AFG2A: variants seen among roughly 807,000 people sequenced by gnomAD.
The protein encoded by AFG2A is AAA ATPase AFG2A.
the AFG2A span, among the ~76,000 whole-genome samples, chr4:123,060,065 G>C: frequency 6.6e-6 from 1 of 152,164 alleles, no homozygotes; most frequent in African/African-American, 2.4e-5. Context: ...TTTGATCCAT[G>C]CCTCACATCC....
At chr4:123,302,747 C>T in the AFG2A span, among the ~76,000 whole-genome samples, 2 of 152,028 alleles carry the variant, frequency 1.3e-5, no homozygotes, top group Non-Finnish European at 2.9e-5. Context: ...TTGACATTTG[C>T]GATATGGCAG....
chr4:123,115,286 G>A, the AFG2A span, among the ~76,000 whole-genome samples: 2 of 152,054 alleles, frequency 1.3e-5, no homozygotes, highest in Non-Finnish European at 2.9e-5. Context: ...CCCAGTTGTC[G>A]GGAGCGCCAG....
the AFG2A span, chr4:122,935,914 T>C: frequency 6.9e-7 from 1 of 1,441,386 alleles, no homozygotes; most frequent in Non-Finnish European, 9.3e-7. Flanking sequence ...TAAAAATGAT[T>C]GTGTAGTATT....
the AFG2A span, among the ~76,000 whole-genome samples, chr4:123,157,518 G>T: frequency 2.6e-3 from 389 of 152,272 alleles, no homozygotes; most frequent in Middle Eastern, 0.031. Flanking sequence ...CCCTTAGGAT[G>T]AGGTTATTGT....
chr4:123,290,730 C>T, the AFG2A span, among the ~76,000 whole-genome samples: 4 of 152,142 alleles, frequency 2.6e-5, no homozygotes, highest in African/African-American at 9.7e-5. Flanking sequence ...TCATGAGACT[C>T]ATTCACTATC....
At chr4:123,207,555 A>C in the AFG2A span, among the ~76,000 whole-genome samples, 3 of 151,956 alleles carry the variant, frequency 2.0e-5, no homozygotes, top group Non-Finnish European at 2.9e-5. Flanking sequence ...GAACTCCTGG[A>C]CTCAAGTGAT....
At chr4:123,029,183 C>T in the AFG2A span, among the ~76,000 whole-genome samples, 4 of 152,220 alleles carry the variant, frequency 2.6e-5, no homozygotes, top group Admixed American at 6.5e-5. Flanking sequence ...CTGCAAGCTC[C>T]GCCTCCCAGG....
At chr4:123,038,353 T>C in the AFG2A span, among the ~76,000 whole-genome samples, 2 of 152,238 alleles carry the variant, frequency 1.3e-5, no homozygotes, top group Admixed American at 6.5e-5. Context: ...ATTGCTGCTC[T>C]CTTCCATTTT....
At chr4:123,103,183 C>T in the AFG2A span, among the ~76,000 whole-genome samples, 2 of 152,012 alleles carry the variant, frequency 1.3e-5, no homozygotes, top group African/African-American at 4.8e-5. Flanking sequence ...ATGAAACTGG[C>T]TTTGCTTTAA....
the AFG2A span, among the ~76,000 whole-genome samples, chr4:123,001,554 G>A: frequency 6.6e-5 from 10 of 151,090 alleles, no homozygotes; most frequent in East Asian, 1.9e-4. Flanking sequence ...CCTTCATTTC[G>A]TTATGTACCC....
At chr4:123,094,242 C>G in the AFG2A span, among the ~76,000 whole-genome samples, 205 of 152,258 alleles carry the variant, frequency 1.3e-3, 1 homozygote, top group African/African-American at 4.8e-3. Context: ...AACGGCAACA[C>G]TTTATTTTCA....
chr4:123,290,473 T>C, the AFG2A span, among the ~76,000 whole-genome samples: 62 of 152,294 alleles, frequency 4.1e-4, no homozygotes, highest in South Asian at 0.012. Context: ...CAGTGTACGT[T>C]TTTGTCATAA....
chr4:123,246,536 A>G, the AFG2A span, among the ~76,000 whole-genome samples: 3 of 152,064 alleles, frequency 2.0e-5, no homozygotes, highest in East Asian at 3.9e-4. Context: ...TTTTTTCTCA[A>G]TCTACCTTCA....
the AFG2A span, among the ~76,000 whole-genome samples, chr4:123,297,405 A>G: frequency 6.6e-6 from 1 of 152,190 alleles, no homozygotes; most frequent in Admixed American, 6.5e-5. Context: ...CTAGACTACT[A>G]ATGAACAGCA....
the AFG2A span, among the ~76,000 whole-genome samples, chr4:123,235,070 A>G: frequency 8.8e-3 from 1,336 of 152,254 alleles, 23 homozygotes; most frequent in African/African-American, 0.03. Flanking sequence ...AATAACATCA[A>G]TTGCCTCTAA....
the AFG2A span, chr4:122,979,481 TA>T: frequency 7.3e-7 from 1 of 1,372,564 alleles, no homozygotes; most frequent in Non-Finnish European, 9.9e-7. Flanking sequence ...GGCTAAACTT[TA>T]AAAAAATATT....
chr4:123,277,854 G>A, the AFG2A span, among the ~76,000 whole-genome samples: 1 of 152,060 alleles, frequency 6.6e-6, no homozygotes, highest in Non-Finnish European at 1.5e-5. Flanking sequence ...GCTTTTTCTT[G>A]TGCTACTGGA....
the AFG2A span, among the ~76,000 whole-genome samples, chr4:123,218,791 C>T: frequency 6.6e-6 from 1 of 152,070 alleles, no homozygotes; most frequent in African/African-American, 2.4e-5. Flanking sequence ...GATTAAATCA[C>T]TCTAAGTTGA....
At chr4:123,091,911 C>T in the AFG2A span, among the ~76,000 whole-genome samples, 134 of 152,300 alleles carry the variant, frequency 8.8e-4, no homozygotes, top group Middle Eastern at 3.4e-3. Context: ...TACTTTCTTC[C>T]TGTGTACATA....
Sources: gnomAD v4.1 joint callset for allele counts (sites outside exome capture counted in the v4.1 genomes callset) on GRCh38, gnomAD v4.1.1 for gene constraint, MANE v1.5 for transcripts, NCBI Gene and HGNC (gene_info 2026-07-23, HGNC 2026-07-21) for gene names.